PIP5K1B: variants seen among roughly 807,000 people sequenced by gnomAD.
The protein encoded by PIP5K1B is phosphatidylinositol-4-phosphate 5-kinase type 1 beta, also known as phosphatidylinositol 4-phosphate 5-kinase type-1 beta.
In PIP5K1B, 42 loss-of-function variants were observed where a neutral mutation model predicts 67.0. The observed-to-expected ratio is 0.63, with a 90% CI of 0.49 to 0.81. The LOEUF (loss-of-function observed/expected upper bound fraction) is 0.81, where lower values mean the gene tolerates loss of function less well. PIP5K1B is among the 30% of genes least tolerant of loss of function. The pLI is 0.00. For synonymous variants in PIP5K1B, 214 were observed against 231.4 expected, an observed-to-expected ratio of 0.92 and a Z score of 0.68; for missense variants, 459 against 646.3, an observed-to-expected ratio of 0.71 and a Z score of 3.14.
At chr9:68,896,947 A>T (rs1485399839) in intron 8 of PIP5K1B, among the ~76,000 whole-genome samples, 2 of 152,018 alleles carry the variant, frequency 1.3e-5, no homozygotes, top group African/African-American at 2.4e-5. Context: ...CTTCTTCCCC[A>T]AGGCTCAGAA....
chr9:68,950,761 C>T (rs1283831520), intron 14 of PIP5K1B, among the ~76,000 whole-genome samples: 1 of 152,186 alleles, frequency 6.6e-6, no homozygotes, highest in Non-Finnish European at 1.5e-5. Context: ...CAATTTCTTC[C>T]AAGGCAAGTA....
chr9:68,809,953 G>C (rs1833072534), intron 2 of PIP5K1B, among the ~76,000 whole-genome samples: 1 of 152,168 alleles, frequency 6.6e-6, no homozygotes, highest in Non-Finnish European at 1.5e-5. Context: ...CTTACTGCCT[G>C]ACATGTTATG....
At chr9:68,937,776 A>T (rs1390276680) in intron 13 of PIP5K1B, among the ~76,000 whole-genome samples, 1 of 152,132 alleles carries the variant, frequency 6.6e-6, no homozygotes, top group Non-Finnish European at 1.5e-5. Flanking sequence ...ACTGCTTTAC[A>T]TGTGTCCCAG....
At chr9:68,864,099 A>G in intron 5 of PIP5K1B, 132 bp downstream of exon 5, 1 of 731,270 alleles carries the variant, frequency 1.4e-6, no homozygotes, top group Non-Finnish European at 2.2e-6. Flanking sequence ...TGGCAGGGCC[A>G]AAGGCAGTCC....
chr9:68,904,628 T>G (rs1307286810), intron 8 of PIP5K1B, among the ~76,000 whole-genome samples: 2 of 151,854 alleles, frequency 1.3e-5, no homozygotes, highest in Admixed American at 1.3e-4. Context: ...TACAGGGGGG[T>G]TGATTGTTTT....
chr9:68,993,346 T>A (rs1230552435), intron 15 of PIP5K1B, among the ~76,000 whole-genome samples: 1 of 152,178 alleles, frequency 6.6e-6, no homozygotes, highest in Non-Finnish European at 1.5e-5. Context: ...TTCCTGTCTG[T>A]GTATTCTTTT....
At chr9:68,990,360 A>C (rs994207253) in intron 14 of PIP5K1B, among the ~76,000 whole-genome samples, 1 of 152,128 alleles carries the variant, frequency 6.6e-6, no homozygotes, top group Non-Finnish European at 1.5e-5. Flanking sequence ...TCTGAGGCAC[A>C]TGTAAGTTTG....
At chr9:68,822,775 G>T (rs1833794912) in intron 4 of PIP5K1B, 92 bp downstream of exon 4, 13 of 870,038 alleles carry the variant, frequency 1.5e-5, no homozygotes, top group South Asian at 1.3e-4. Flanking sequence ...CCAAGCAGTT[G>T]TAAGTTACTA....
At chr9:68,788,515 TA>T in intron 2 of PIP5K1B, 4 of 349,624 alleles carry the variant, frequency 1.1e-5, no homozygotes, top group South Asian at 1.1e-4. Context: ...TAGTAATAGG[TA>T]AAAAATTAAA....
At chr9:68,984,011 C>T (rs1830002722) in intron 14 of PIP5K1B, among the ~76,000 whole-genome samples, 1 of 152,194 alleles carries the variant, frequency 6.6e-6, no homozygotes, top group Non-Finnish European at 1.5e-5. Context: ...GCCAAGATTG[C>T]AACACTGCAC....
intron 1 of PIP5K1B, among the ~76,000 whole-genome samples, chr9:68,739,565 G>A (rs915866729): frequency 6.6e-6 from 1 of 152,154 alleles, no homozygotes; most frequent in Admixed American, 6.5e-5. Flanking sequence ...CCTCCTTCTT[G>A]GGGCTTCCCT....
intron 14 of PIP5K1B, among the ~76,000 whole-genome samples, chr9:68,943,526 T>G (rs1827661263): frequency 6.6e-6 from 1 of 152,194 alleles, no homozygotes; most frequent in African/African-American, 2.4e-5. Flanking sequence ...TGTCATATTT[T>G]TGTTTCTATC....
chr9:68,715,126 T>G (rs1045235873), intron 1 of PIP5K1B, among the ~76,000 whole-genome samples: 27 of 152,304 alleles, frequency 1.8e-4, no homozygotes, highest in African/African-American at 6.5e-4. Flanking sequence ...ACTGGCAGGA[T>G]AGATAAAGAA....
In PIP5K1B at chr9:68,923,397, T is replaced by TA; in HGVS notation, c.1201+12dup. 6.9e-7 allele frequency: 1 copy of TA among 1,453,130 alleles called. No individual in the cohort carries two copies. The highest frequency in any genetic ancestry group is 1.4e-5 in the African/African-American group (1 of 70,028). 90.0% of individuals were successfully genotyped at this position (1,453,130 alleles called of 1,614,324 possible). A position where few individuals can be genotyped will look rare whatever the true frequency, so the allele number is the denominator to read the frequency against. Reference sequence around the variant, plus strand: ...TCAAGAAAATTCAAGGTAAGATTCTTATGAATTTTTTTTTTTACTTTTAGC... The same window carrying TA: ...TCAAGAAAATTCAAGGTAAGATTCTTAATGAATTTTTTTTTTTACTTTTAGC... On this transcript the variant is annotated intron_variant, in intron 12 of 15. Coordinates refer to ENST00000265382, the MANE Select transcript of PIP5K1B (RefSeq NM_003558.4).
intron 7 of PIP5K1B, 53 bp downstream of exon 7, chr9:68,889,186 C>T: frequency 7.7e-6 from 11 of 1,433,822 alleles, no homozygotes; most frequent in Admixed American, 3.8e-5. Context: ...TTACTTTCCT[C>T]AACAGTTTTT....
chr9:68,819,715 A>C (rs1430544640), intron 3 of PIP5K1B, among the ~76,000 whole-genome samples: 1 of 152,222 alleles, frequency 6.6e-6, no homozygotes, highest in African/African-American at 2.4e-5. Context: ...GGCCCTTTGC[A>C]GTTTACCAGT....
intron 2 of PIP5K1B, among the ~76,000 whole-genome samples, chr9:68,767,761 CA>C (rs2132411936): frequency 6.6e-6 from 1 of 151,894 alleles, no homozygotes; most frequent in African/African-American, 2.4e-5. Flanking sequence ...TAATAGGTGC[CA>C]AAAATACTAA....
chr9:68,897,954 G>A (rs1032885370), intron 8 of PIP5K1B, among the ~76,000 whole-genome samples: 3 of 152,126 alleles, frequency 2.0e-5, no homozygotes, highest in Non-Finnish European at 4.4e-5. Context: ...CAGAGCTGCC[G>A]TTTCTGAGCT....
At chr9:68,998,130 G>A (rs1186485389) in intron 15 of PIP5K1B, among the ~76,000 whole-genome samples, 1 of 150,668 alleles carries the variant, frequency 6.6e-6, no homozygotes, top group Non-Finnish European at 1.5e-5. Context: ...AAGTGCAGTG[G>A]TGCAATCTTG....
Sources: gnomAD v4.1 joint callset for allele counts (sites outside exome capture counted in the v4.1 genomes callset) on GRCh38, gnomAD v4.1.1 for gene constraint, MANE v1.5 for transcripts, NCBI Gene and HGNC (gene_info 2026-07-23, HGNC 2026-07-21) for gene names.